The following FGF13 variants were observed in gnomAD, a reference collection of about 807,000 sequenced individuals.
The protein encoded by FGF13 is fibroblast growth factor homologous factor 2.
In FGF13, 2 loss-of-function variants were observed where a neutral mutation model predicts 19.5. The observed-to-expected ratio is 0.10, with a 90% CI of 0.04 to 0.32. The LOEUF (loss-of-function observed/expected upper bound fraction) is 0.32, where lower values mean the gene tolerates loss of function less well. Ranked by LOEUF, FGF13 falls within the 10% of genes least tolerant of loss-of-function variation. FGF13 has a pLI of 1.00. For synonymous variants in FGF13, 72 were observed against 76.9 expected (o/e 0.94, Z 0.33); for missense variants, 113 against 192.7 (o/e 0.59, Z 2.45).
chrX:138,781,070 G>A (rs5929948), intron 3 of FGF13, among the ~76,000 whole-genome samples: 28,021 of 109,754 alleles, frequency 0.26, 3,271 homozygotes, highest in Admixed American at 0.35. Flanking sequence ...ATGACTACTG[G>A]GTACATAACG....
At chrX:139,103,724 GA>G (rs778200054) in intron 1 of FGF13, among the ~76,000 whole-genome samples, 2 of 112,319 alleles carry the variant, frequency 1.8e-5, no homozygotes, top group African/African-American at 6.5e-5. Context: ...GTTTTTAAAA[GA>G]AACAGTTAAG....
intron 3 of FGF13, among the ~76,000 whole-genome samples, chrX:138,777,032 C>T (rs906508007): frequency 8.9e-6 from 1 of 111,896 alleles, no homozygotes; most frequent in African/African-American, 3.3e-5. Context: ...AGCAGGGTGT[C>T]TTATGATCCT....
At chrX:138,669,704 A>G (rs953745738) in intron 3 of FGF13, among the ~76,000 whole-genome samples, 17 of 110,951 alleles carry the variant, frequency 1.5e-4, no homozygotes, top group Non-Finnish European at 3.2e-4. Context: ...CTTGTTCTTA[A>G]TATCTCTGGA....
intron 3 of FGF13, among the ~76,000 whole-genome samples, chrX:138,670,916 A>G (rs949456496): frequency 1.7e-4 from 19 of 110,976 alleles, no homozygotes; most frequent in Non-Finnish European, 3.6e-4. Flanking sequence ...CCTTTATAAG[A>G]CTGACCTACT....
At chrX:139,107,139 G>C (rs1054995773) in intron 1 of FGF13, among the ~76,000 whole-genome samples, 17 of 111,724 alleles carry the variant, frequency 1.5e-4, no homozygotes, top group African/African-American at 5.5e-4. Flanking sequence ...CAAGTAAATT[G>C]ACAAGTATGA....
At chrX:138,826,510 TAAAGG>T (rs1027744618) in intron 3 of FGF13, among the ~76,000 whole-genome samples, 5 of 111,655 alleles carry the variant, frequency 4.5e-5, no homozygotes, top group African/African-American at 1.6e-4. Flanking sequence ...TCTCAAGTGG[TAAAGG>T]AAAGATCTAC....
At chrX:138,988,861 T>C (rs747485465) in intron 1 of FGF13, among the ~76,000 whole-genome samples, 2 of 112,229 alleles carry the variant, frequency 1.8e-5, no homozygotes, top group Non-Finnish European at 3.8e-5. Context: ...TTCCTTATTG[T>C]GGCTCATCTC....
chrX:139,007,501 T>G (rs1452567760), intron 1 of FGF13, among the ~76,000 whole-genome samples: 1 of 112,480 alleles, frequency 8.9e-6, no homozygotes, highest in Non-Finnish European at 1.9e-5. Flanking sequence ...CAAATGGGCC[T>G]AATAGATATT....
chrX:138,901,436 T>C (rs1471193960), intron 1 of FGF13, among the ~76,000 whole-genome samples: 1 of 111,208 alleles, frequency 9.0e-6, no homozygotes, highest in East Asian at 2.8e-4. Context: ...GGGAGCTCAG[T>C]GTGTTGAGGG....
In FGF13 at chrX:139,189,428, T is replaced by C. The variant is rs138093387; in HGVS notation, c.-113+13988A>G. ...ACGAATGGATAAGCCAAATGTGGTC[T>C]ATATATACAATGTAATATTATTCAG... On this transcript the variant is annotated intron_variant, in intron 1 of 2. Coordinates refer to the FGF13 transcript ENST00000421460. Among the ~76,000 whole-genome samples the C allele has an allele frequency of 2.5e-4, 28 of 111,746 alleles. No individual in the cohort carries two copies. The East Asian group carries it at 7.1e-3, about 28-fold the overall frequency.
intron 3 of FGF13, among the ~76,000 whole-genome samples, chrX:138,642,270 T>C (rs2124110519): frequency 9.1e-6 from 1 of 110,188 alleles, no homozygotes; most frequent in East Asian, 2.9e-4. Flanking sequence ...GAATAGAGAA[T>C]AACAAAAGCA....
At chrX:138,904,420 A>G (rs1180432327) in intron 1 of FGF13, among the ~76,000 whole-genome samples, 1 of 14,216 alleles carries the variant, frequency 7.0e-5, no homozygotes, top group Non-Finnish European at 1.2e-4. Context: ...AATAGCTGTT[A>G]TCTTCCACAT....
intron 1 of FGF13, among the ~76,000 whole-genome samples, chrX:138,717,875 C>T (rs1014229288): frequency 3.6e-5 from 4 of 111,492 alleles, no homozygotes; most frequent in African/African-American, 9.8e-5. Flanking sequence ...GGCCTCCCAA[C>T]GTGCTGGGAA....
rs956414917 is a variant in FGF13, at chrX:138,711,566, G to A, written c.-563C>T. 1 of 754,653 alleles carries A rather than the reference G, an allele frequency of 1.3e-6. No individual in the cohort carries two copies. The highest frequency in any genetic ancestry group is 2.3e-5 in the African/African-American group (1 of 43,715). The allele number at this position is 754,653 out of a possible 1,213,427, so 62.2% of individuals were successfully genotyped here. On this transcript the variant is annotated 5_prime_UTR_variant, in exon 1 of 5. It adds an upstream start codon to the 5' untranslated region. Coordinates refer to ENST00000315930, the MANE Select transcript of FGF13 (RefSeq NM_004114.5). Reference sequence around the variant, plus strand: ...CGACTAGTCCTTGCAACTTCTTGGCGTGATAATCGGGAAAAGTTGGCCCGT... The same window carrying A: ...CGACTAGTCCTTGCAACTTCTTGGCATGATAATCGGGAAAAGTTGGCCCGT...
At chrX:138,768,844 T>A (rs1166152569) in intron 3 of FGF13, among the ~76,000 whole-genome samples, 4 of 107,369 alleles carry the variant, frequency 3.7e-5, no homozygotes, top group Non-Finnish European at 7.6e-5. Context: ...TTTATTTTGG[T>A]CTATGTGTGA....
chrX:138,634,615 T>G (rs1375952259), intron 4 of FGF13, among the ~76,000 whole-genome samples: 1 of 112,929 alleles, frequency 8.9e-6, no homozygotes, highest in African/African-American at 3.2e-5. Flanking sequence ...TTCAAAAGTA[T>G]TATTAAGGAC....
chrX:139,160,697 A>G, intron 1 of FGF13, among the ~76,000 whole-genome samples: 1 of 112,365 alleles, frequency 8.9e-6, no homozygotes, highest in Admixed American at 9.4e-5. Context: ...ACAAACTACC[A>G]TCAGAGAATA....
upstream of FGF13, chrX:138,739,446 G>A (rs865774932): frequency 1.9e-5 from 7 of 364,208 alleles, no homozygotes; most frequent in Middle Eastern, 2.7e-3. Context: ...ATTAGTGACA[G>A]ACCATTATGG....
chrX:138,635,865 A>G (rs1272682622), intron 3 of FGF13, among the ~76,000 whole-genome samples: 1 of 112,311 alleles, frequency 8.9e-6, no homozygotes, highest in Non-Finnish European at 1.9e-5. Context: ...GTCATAAGTG[A>G]AAGTGCTATT....
Sources: allele counts gnomAD v4.1 joint callset (sites outside exome capture counted in the v4.1 genomes callset), GRCh38; gene constraint gnomAD v4.1.1; transcripts MANE v1.5; gene names NCBI Gene and HGNC (gene_info 2026-07-23, HGNC 2026-07-21).